The following MYBPC1 variants were observed in gnomAD, a reference collection of about 807,000 sequenced individuals.
MYBPC1 encodes myosin-binding protein C, slow-type.
In MYBPC1, 52 loss-of-function variants were observed where a neutral mutation model predicts 147.1. The ratio of observed to expected loss-of-function variants is 0.35; its 90% CI spans 0.28 to 0.45. The LOEUF is 0.45. Ranked by LOEUF, MYBPC1 falls within the 20% of genes least tolerant of loss-of-function variation. The pLI, the probability that MYBPC1 is intolerant of heterozygous loss-of-function variation, is 1.00. For missense variants in MYBPC1, 1,228 were observed against 1,440.3 expected, an observed-to-expected ratio of 0.85 and a Z score of 2.39; for synonymous variants, 477 against 475.9, an observed-to-expected ratio of 1.00 and a Z score of -0.03.
downstream of MYBPC1, among the ~76,000 whole-genome samples, chr12:101,686,942 G>T (rs1212009034): frequency 6.6e-6 from 1 of 152,098 alleles, no homozygotes; most frequent in Non-Finnish European, 1.5e-5. Context: ...CTTACTGGTT[G>T]TTAAGAACAT....
chr12:101,598,443 T>C (rs1464506283), intron 1 of MYBPC1, among the ~76,000 whole-genome samples: 4 of 152,240 alleles, frequency 2.6e-5, no homozygotes, highest in Non-Finnish European at 5.9e-5. Flanking sequence ...AAGAATAGTA[T>C]GAATGGCTGT....
chr12:101,609,033 T>C (rs918984617), intron 1 of MYBPC1, among the ~76,000 whole-genome samples: 1 of 151,942 alleles, frequency 6.6e-6, no homozygotes, highest in African/African-American at 2.4e-5. Flanking sequence ...GTCAACTATA[T>C]TTATGGAGCA....
the MYBPC1 span, among the ~76,000 whole-genome samples, chr12:101,693,916 GA>G: frequency 3.3e-5 from 5 of 152,180 alleles, no homozygotes; most frequent in Non-Finnish European, 5.9e-5. Context: ...ATGGCCTTCA[GA>G]AGAAAGGAGC....
intron 24 of MYBPC1, among the ~76,000 whole-genome samples, chr12:101,672,812 C>T (rs996292167): frequency 1.3e-5 from 2 of 152,078 alleles, no homozygotes; most frequent in Admixed American, 6.5e-5. Context: ...TGTGCCACTG[C>T]ACTCCAGCCT....
intron 1 of MYBPC1, among the ~76,000 whole-genome samples, chr12:101,609,905 A>C (rs917705319): frequency 9.2e-5 from 14 of 152,228 alleles, no homozygotes; most frequent in African/African-American, 3.4e-4. Context: ...AGTGAGGTAC[A>C]GTGGAAATTG....
At chr12:101,676,689 T>C (rs1187018710) in intron 26 of MYBPC1, among the ~76,000 whole-genome samples, 1 of 152,074 alleles carries the variant, frequency 6.6e-6, no homozygotes, top group Admixed American at 6.6e-5. Context: ...AGGTCAAGAC[T>C]ATAGTAAGCC....
intron 18 of MYBPC1, 110 bp downstream of exon 18, chr12:101,653,358 G>A (rs1894915876): frequency 7.4e-7 from 1 of 1,349,800 alleles, no homozygotes; most frequent in Non-Finnish European, 1.0e-6. Flanking sequence ...ACAAATAAAT[G>A]TACAGCAGTA....
chr12:101,614,309 G>GGT (rs375041033), intron 1 of MYBPC1, among the ~76,000 whole-genome samples, 187 bp from the exon 2 acceptor site: 32 of 151,192 alleles, frequency 2.1e-4, no homozygotes, highest in Middle Eastern at 3.4e-3. Context: ...GATGCAGTAG[G>GGT]GTGTGTGTGT....
At chr12:101,663,924 C>A (rs186027790) in intron 22 of MYBPC1, among the ~76,000 whole-genome samples, 98 of 152,230 alleles carry the variant, frequency 6.4e-4, no homozygotes, top group Admixed American at 2.5e-3. Context: ...AATTCTAAAA[C>A]CTATAATGAG....
At chr12:101,650,406 G>A (rs972361908) in intron 15 of MYBPC1, among the ~76,000 whole-genome samples, 1 of 152,246 alleles carries the variant, frequency 6.6e-6, no homozygotes, top group Admixed American at 6.5e-5. Flanking sequence ...CCGCATGGCT[G>A]GGGAGACCTC....
chr12:101,614,323 TGTGAGA>T lies in MYBPC1; in HGVS notation c.26-171_26-166del, dbSNP rs796077323. ...TGATGCAGTAGGGTGTGTGTGTGTG[TGTGAGA>T]GAGAGAGAGAGAGAGAGAAGAGAGA... On this transcript the variant is annotated intron_variant, in intron 1 of 31. Transcript: ENST00000361466. Among the ~76,000 whole-genome samples, 3,250 of 151,564 alleles carry T rather than the reference TGTGAGA, an allele frequency of 0.021. 102 individuals are homozygous for T. Among genetic ancestry groups the T allele is most frequent in the African/African-American group, 0.075 (3,106 of 41,202 alleles).
At chr12:101,618,984 G>A (rs1170402327) in intron 3 of MYBPC1, among the ~76,000 whole-genome samples, 2 of 151,790 alleles carry the variant, frequency 1.3e-5, no homozygotes, top group Non-Finnish European at 2.9e-5. Flanking sequence ...GGGATAGAAA[G>A]TGACATCCCT....
At chr12:101,609,760 T>A (rs1266230724) in intron 1 of MYBPC1, among the ~76,000 whole-genome samples, 1 of 152,252 alleles carries the variant, frequency 6.6e-6, no homozygotes, top group African/African-American at 2.4e-5. Flanking sequence ...GCAATTCATT[T>A]ACCTGTGAAT....
chr12:101,670,818 A>ACC (rs1212780783), intron 24 of MYBPC1, among the ~76,000 whole-genome samples: 1 of 152,200 alleles, frequency 6.6e-6, no homozygotes, highest in African/African-American at 2.4e-5. Context: ...TCCCACAATG[A>ACC]CCCCAAACCA....
intron 24 of MYBPC1, among the ~76,000 whole-genome samples, chr12:101,671,206 A>C (rs1329431698): frequency 6.6e-6 from 1 of 152,132 alleles, no homozygotes; most frequent in Admixed American, 6.6e-5. Context: ...AATTTTCTTC[A>C]ATTTTAATTA....
At chr12:101,623,114 G>A (rs1277688871) in intron 3 of MYBPC1, among the ~76,000 whole-genome samples, 1 of 152,204 alleles carries the variant, frequency 6.6e-6, no homozygotes, top group Non-Finnish European at 1.5e-5. Flanking sequence ...CAAGGCAGGA[G>A]GATTGCCTGA....
chr12:101,634,495 C>A, intron 8 of MYBPC1, 59 bp from the exon 9 acceptor site: 2 of 1,378,400 alleles, frequency 1.5e-6, no homozygotes, highest in Non-Finnish European at 1.0e-6. Context: ...TATAAAGGAA[C>A]TGAACACAAA....
In MYBPC1 at chr12:101,677,279, C is replaced by A. The variant is rs1377414154; in HGVS notation, c.2994C>A (p.Thr998=). The change falls in exon 27 of 32, where the codon ACC becomes ACA. Residue 998 remains threonine, a synonymous_variant. Transcript: ENST00000361466. ...AGCATTATCATCGAACCAGTGCCAC[C>A]ATTACTGAATTGGTCATAGGGAATG... ...VIEHYHRTSA[T]ITELVIGNEY... is the part of the protein sequence containing the mutation. 1 of 1,613,628 alleles carries A rather than the reference C, an allele frequency of 6.2e-7. No homozygotes were observed. Among genetic ancestry groups the A allele is most frequent in the African/African-American group, 1.3e-5 (1 of 74,848 alleles).
intron 5 of MYBPC1, 21 bp from the exon 6 acceptor site, chr12:101,629,413 T>A: frequency 6.7e-7 from 1 of 1,485,312 alleles, no homozygotes; most frequent in Non-Finnish European, 9.3e-7. Context: ...AATAATCCTT[T>A]TCCTCCTTTC....
Sources: gnomAD v4.1 joint callset for allele counts (sites outside exome capture counted in the v4.1 genomes callset) on GRCh38, gnomAD v4.1.1 for gene constraint, MANE v1.5 for transcripts, NCBI Gene and HGNC (gene_info 2026-07-23, HGNC 2026-07-21) for gene names.